Variants in ZFHX4 observed in about 807,000 individuals in gnomAD.
ZFHX4 encodes zinc finger homeobox 4.
A neutral mutation model predicts 267.6 loss-of-function variants in ZFHX4; 56 were observed. The ratio of observed to expected loss-of-function variants is 0.21; its 90% CI spans 0.17 to 0.26. The LOEUF (loss-of-function observed/expected upper bound fraction) is 0.26, where lower values mean the gene tolerates loss of function less well. Among genes scored for constraint, ZFHX4 ranks in the 10% least tolerant of loss-of-function variants. The pLI, the probability that ZFHX4 is intolerant of heterozygous loss-of-function variation, is 1.00. For missense variants in ZFHX4, 4,332 were observed against 4,420.0 expected (o/e 0.98, Z 0.56); for synonymous variants, 1,778 against 1,665.6 (o/e 1.07, Z -1.64).
chr8:76,787,522 G>T (rs1014946731), intron 4 of ZFHX4, among the ~76,000 whole-genome samples: 1 of 151,810 alleles, frequency 6.6e-6, no homozygotes, highest in Non-Finnish European at 1.5e-5. Flanking sequence ...ACTGAAAGTG[G>T]CCAGGTGCGG....
chr8:76,715,001 T>C (rs538484810), intron 3 of ZFHX4, among the ~76,000 whole-genome samples: 5 of 152,352 alleles, frequency 3.3e-5, no homozygotes, highest in Admixed American at 6.5e-5. Flanking sequence ...TGTAGTATAA[T>C]GTCACTTCTG....
intron 3 of ZFHX4, among the ~76,000 whole-genome samples, chr8:76,725,162 T>C (rs1808820203): frequency 6.6e-6 from 1 of 152,104 alleles, no homozygotes; most frequent in South Asian, 2.1e-4. Context: ...CAATATTGAA[T>C]ACAGATGCAT....
chr8:76,727,741 A>G (rs1294948111), intron 3 of ZFHX4, among the ~76,000 whole-genome samples: 1 of 152,216 alleles, frequency 6.6e-6, no homozygotes, highest in Non-Finnish European at 1.5e-5. Context: ...TTGATTTTCT[A>G]CGTCAGTTGT....
chr8:76,816,636 C>T (rs993726430), intron 4 of ZFHX4, among the ~76,000 whole-genome samples: 1 of 145,810 alleles, frequency 6.9e-6, no homozygotes, highest in Non-Finnish European at 1.5e-5. Context: ...GCTCTTGTCA[C>T]CCAGGCTGGA....
chr8:76,706,773 T>C lies in ZFHX4; in HGVS notation c.2590+95T>C. The C allele has an allele frequency of 5.3e-6, 7 of 1,323,038 alleles. No individual in the cohort carries two copies. The South Asian group carries it at 9.5e-5, about 18-fold the overall frequency. The allele number at this position is 1,323,038 out of a possible 1,614,324, so 82.0% of individuals were successfully genotyped here. A position where few individuals can be genotyped will look rare whatever the true frequency, so the allele number is the denominator to read the frequency against. On this transcript the variant is annotated intron_variant, in intron 2 of 10. Transcript: ENST00000651372. ...AGATAAAATGGTGAGTGCCAACAAA[T>C]TGAGGACAGCTTACTAGAAAGGACT...
In ZFHX4 at chr8:76,856,224, C is replaced by T. The variant is rs552401574; in HGVS notation, c.9303C>T (p.Leu3101=). 4 of 1,613,970 alleles carry T rather than the reference C, an allele frequency of 2.5e-6. No individual in the cohort carries two copies. The highest frequency in any genetic ancestry group is 1.1e-5 in the South Asian group (1 of 91,084). Residue 3101 remains leucine (L), a synonymous_variant, in exon 10 of 11, where the codon CTC becomes CTT. Transcript: ENST00000651372. ...GCCTGCCAACAGCCTACCCCGGACT[C>T]CCCGGCCTTCCTCCAGTCCTTCTCC... The part of the protein sequence containing the change: ...GISLPTAYPG[L]PGLPPVLLPG...
chr8:76,807,586 T>G (rs1237440271), intron 4 of ZFHX4, among the ~76,000 whole-genome samples: 1 of 152,034 alleles, frequency 6.6e-6, no homozygotes, highest in African/African-American at 2.4e-5. Context: ...CTGGGGACAT[T>G]ACCATCTTAA....
intron 4 of ZFHX4, among the ~76,000 whole-genome samples, chr8:76,799,142 C>A (rs943111545): frequency 1.3e-5 from 2 of 152,098 alleles, no homozygotes; most frequent in Non-Finnish European, 2.9e-5. Context: ...GTTTTTCCCT[C>A]GCACAGGGTA....
Position 76,855,044 on chromosome 8 carries a change from G to A in ZFHX4, c.8123G>A (p.Ser2708Asn). ...AATGAAGGAAAGCAGGCAGGTTACAGCTTGCCACCAAGCCCTTTAATATCC... is the reference window on the plus strand; with the variant it reads ...AATGAAGGAAAGCAGGCAGGTTACAACTTGCCACCAAGCCCTTTAATATCC... ...HWNEGKQAGY[S>N]LPPSPLISTE... is the part of the protein sequence containing the mutation. Residue 2708 changes from serine to asparagine, a missense_variant, in exon 10 of 11, where the codon AGC becomes AAC. Physicochemically the swap from Ser to Asn is conservative, Grantham distance 46 (BLOSUM62 1). Transcript: ENST00000651372. 2 of 1,613,932 alleles carry A rather than the reference G, an allele frequency of 1.2e-6. No homozygotes were observed. Among genetic ancestry groups the A allele is most frequent in the Non-Finnish European group, 8.5e-7 (1 of 1,179,868 alleles).
At chr8:76,837,226 A>G (rs1476655367) in intron 5 of ZFHX4, among the ~76,000 whole-genome samples, 1 of 152,142 alleles carries the variant, frequency 6.6e-6, no homozygotes, top group African/African-American at 2.4e-5. Context: ...GCCCCAGCAG[A>G]GGAGAATAAG....
intron 3 of ZFHX4, among the ~76,000 whole-genome samples, chr8:76,730,969 G>A (rs1808994082): frequency 6.6e-6 from 1 of 152,158 alleles, no homozygotes; most frequent in East Asian, 1.9e-4. Context: ...AGCATAGCAA[G>A]GTCAGGTGTC....
intron 8 of ZFHX4, 121 bp downstream of exon 8, chr8:76,849,833 T>C: frequency 8.9e-7 from 1 of 1,121,416 alleles, no homozygotes; most frequent in Non-Finnish European, 1.3e-6. Context: ...GCTCTGTTAT[T>C]GCTCGTGTTA....
chr8:76,750,919 T>C (rs147291943), intron 3 of ZFHX4, among the ~76,000 whole-genome samples: 188 of 152,302 alleles, frequency 1.2e-3, no homozygotes, highest in African/African-American at 4.3e-3. Flanking sequence ...AATTGATTAC[T>C]GTATTTGTAA....
chr8:76,852,126 T>C lies in ZFHX4; in HGVS notation c.5205T>C (p.Pro1735=), dbSNP rs763496838. 2.5e-6 allele frequency: 4 copies of C among 1,613,962 alleles called. No individual in the cohort carries two copies. The highest frequency in any genetic ancestry group is 3.4e-6 in the Non-Finnish European group (4 of 1,179,872). ...TPEALLQFQQ[P]QFLFPFYIPG... ...AAGCACTGCTGCAGTTTCAGCAGCC[T>C]CAGTTTCTCTTTCCATTTTATATAC... Residue 1735 remains proline (P), a synonymous_variant, in exon 10 of 11, where the codon CCT becomes CCC. Transcript: ENST00000651372.
chr8:76,705,377 C>G lies in ZFHX4; in HGVS notation c.1289C>G (p.Ser430Cys), dbSNP rs753987323. The stretch of plus-strand genomic sequence containing the variant: ...TCTGTCTCCCTCAGCCACTCATCGT[C>G]TGAGTCTAGCAAGATGTCAGAGAGC... ...ITSVSLSHSSSESSKMSESKD... is the reference protein window; with the variant it reads ...ITSVSLSHSSCESSKMSESKD... Residue 430 changes from serine to cysteine, a missense_variant, in exon 2 of 11, where the codon TCT becomes TGT. By Grantham distance (112) the Ser-to-Cys change is moderately radical (BLOSUM62 -1). Coordinates refer to ENST00000651372, the MANE Select transcript of ZFHX4 (RefSeq NM_024721.5). The G allele has an allele frequency of 3.1e-6, 5 of 1,613,930 alleles. No homozygotes were observed. The highest frequency in any genetic ancestry group is 4.5e-5 in the East Asian group (2 of 44,858).
chr8:76,847,313 C>T (rs893936937), intron 6 of ZFHX4, among the ~76,000 whole-genome samples: 1 of 151,966 alleles, frequency 6.6e-6, no homozygotes, highest in Non-Finnish European at 1.5e-5. Context: ...ACATATCTTT[C>T]GATATCAAAT....
chr8:76,764,392 C>T (rs776714304), intron 3 of ZFHX4, among the ~76,000 whole-genome samples: 26 of 152,102 alleles, frequency 1.7e-4, no homozygotes, highest in Non-Finnish European at 2.9e-4. Flanking sequence ...TCTAGTTTCA[C>T]GGACCAGCTG....
At chr8:76,791,956 A>G (rs1371947599) in intron 4 of ZFHX4, among the ~76,000 whole-genome samples, 1 of 152,184 alleles carries the variant, frequency 6.6e-6, no homozygotes, top group Non-Finnish European at 1.5e-5. Flanking sequence ...TTAACTATAC[A>G]ACCATGAAAC....
At chr8:76,816,590 CTTT>C (rs950143569) in intron 4 of ZFHX4, among the ~76,000 whole-genome samples, 1 of 113,012 alleles carries the variant, frequency 8.8e-6, no homozygotes, top group Non-Finnish European at 1.8e-5. Flanking sequence ...ATTTAAATGT[CTTT>C]TTTTTTTTTT....
Sources: gnomAD v4.1 joint callset for allele counts (sites outside exome capture counted in the v4.1 genomes callset) on GRCh38, gnomAD v4.1.1 for gene constraint, MANE v1.5 for transcripts, NCBI Gene and HGNC (gene_info 2026-07-23, HGNC 2026-07-21) for gene names.